The following ATXN1L variants were observed in gnomAD, a reference collection of about 807,000 sequenced individuals.
The protein encoded by ATXN1L is ataxin 1 like.
In ATXN1L, 8 loss-of-function variants were observed where a neutral mutation model predicts 43.4. That is an observed-to-expected ratio of 0.18 (90% CI 0.11 to 0.33). The LOEUF (loss-of-function observed/expected upper bound fraction) is 0.33. Ranked by LOEUF, ATXN1L falls within the 10% of genes least tolerant of loss-of-function variation. ATXN1L has a pLI of 1.00. For synonymous variants in ATXN1L, 379 were observed against 360.6 expected (o/e 1.05, Z -0.58); for missense variants, 856 against 885.4 (o/e 0.97, Z 0.42).
rs915329420 is a variant in ATXN1L at position 71,853,085 on chromosome 16, T to A, written c.*1275T>A. The A allele has an allele frequency of 2.4e-5, 4 of 167,198 alleles. No homozygotes were observed. Among genetic ancestry groups the A allele is most frequent in the African/African-American group, 9.6e-5 (4 of 41,474 alleles). The allele number at this position is 167,198 out of a possible 1,614,324, so 10.4% of individuals were successfully genotyped here. A position where few individuals can be genotyped will look rare whatever the true frequency, so the allele number is the denominator to read the frequency against. On this transcript the variant is annotated 3_prime_UTR_variant, in exon 3 of 3. Transcript: ENST00000427980. ...TGTCCCATATGCCCCTCCTGTCTTA[T>A]TCCACTGCTTCTCCCAGCATTCTGG... is the stretch of plus-strand genomic sequence containing the variant.
intron 1 of ATXN1L, among the ~76,000 whole-genome samples, chr16:71,847,615 G>A (rs994835302): frequency 3.3e-5 from 5 of 151,892 alleles, no homozygotes; most frequent in Non-Finnish European, 7.4e-5. Flanking sequence ...AATCCATAGA[G>A]TTGATTTTTC....
chr16:71,850,066 C>T lies in ATXN1L; in HGVS notation c.326C>T (p.Thr109Met), dbSNP rs373587350. The change falls in exon 3 of 3, where the codon ACG (threonine) becomes ATG (methionine). Residue 109 changes from threonine to methionine, a missense_variant. Transcript: ENST00000427980. Reference sequence around the variant, plus strand: ...GTGAATATGAGTCCCTTGCCCCCAACGTTTAATGTAGCGTCTTCACTAATT... The same window carrying T: ...GTGAATATGAGTCCCTTGCCCCCAATGTTTAATGTAGCGTCTTCACTAATT... The part of the protein sequence containing the change: ...SVVNMSPLPP[T>M]FNVASSLIQH... The T allele has an allele frequency of 1.4e-5, 22 of 1,551,596 alleles. No homozygotes were observed. Among genetic ancestry groups the T allele is most frequent in the East Asian group, 2.4e-5 (1 of 40,938 alleles).
intron 1 of ATXN1L, among the ~76,000 whole-genome samples, 188 bp downstream of exon 1, chr16:71,846,292 A>G (rs1317254234): frequency 6.6e-6 from 1 of 152,086 alleles, no homozygotes; most frequent in Non-Finnish European, 1.5e-5. Flanking sequence ...AGGTGGCCTC[A>G]GGCCCCGGCG....
chr16:71,849,873 T>A lies in ATXN1L; in HGVS notation c.133T>A (p.Trp45Arg). 6.4e-7 allele frequency: 1 copy of A among 1,551,500 alleles called. No individual in the cohort carries two copies. The highest frequency in any genetic ancestry group is 8.7e-7 in the Non-Finnish European group (1 of 1,146,904). ...CACACCCTCCAGTGATGCTTCTGAA[T>A]GGTCCCGAGGGGTTGTGGTGGCTGG... Reference protein sequence around the residue: ...NHTPSSDASEWSRGVVVAGQS... With the variant: ...NHTPSSDASERSRGVVVAGQS... The change falls in exon 3 of 3, where the codon TGG (tryptophan) becomes AGG (arginine). Residue 45 changes from tryptophan to arginine, a missense_variant. Physicochemically the swap from Trp to Arg is moderately radical, Grantham distance 101 (BLOSUM62 -3). Around this residue, in one of 7 missense-constraint regions of ATXN1L, gnomAD observed 93 missense variants for 113.4 expected, o/e 0.82. Coordinates refer to ENST00000427980, the MANE Select transcript of ATXN1L (RefSeq NM_001137675.4).
chr16:71,856,246 T>G lies in ATXN1L; in HGVS notation c.*4436T>G, dbSNP rs2033550017. On this transcript the variant is annotated 3_prime_UTR_variant, in exon 3 of 3. Transcript: ENST00000427980. Reference sequence around the variant, plus strand: ...TATTAGTTCTCCAGTTAAACCTAGATCCCTCCCTGGTAGATTGCGAACTCA... The same window carrying G: ...TATTAGTTCTCCAGTTAAACCTAGAGCCCTCCCTGGTAGATTGCGAACTCA... 1 of 167,104 alleles carries G rather than the reference T, an allele frequency of 6.0e-6. No homozygotes were observed. Among genetic ancestry groups the G allele is most frequent in the South Asian group, 2.1e-4 (1 of 4,834 alleles). The allele number at this position is 167,104 out of a possible 1,614,324, so 10.4% of individuals were successfully genotyped here. A position where few individuals can be genotyped will look rare whatever the true frequency, so the allele number is the denominator to read the frequency against.
At position 71,856,197 on chromosome 16, in the gene ATXN1L, C is replaced by T. The variant is rs918951737; in HGVS notation, c.*4387C>T. 6.0e-6 allele frequency: 1 copy of T among 167,118 alleles called. No individual in the cohort carries two copies. The highest frequency in any genetic ancestry group is 1.5e-5 in the Non-Finnish European group (1 of 68,140). The allele number at this position is 167,118 out of a possible 1,614,324, so 10.4% of individuals were successfully genotyped here. On this transcript the variant is annotated 3_prime_UTR_variant, in exon 3 of 3. Transcript: ENST00000427980. Reference sequence around the variant, plus strand: ...CCAGCAGGAACAATAGTCATAAATGCACTTTTCACACTAAAGGTTTCTTTA... The same window carrying T: ...CCAGCAGGAACAATAGTCATAAATGTACTTTTCACACTAAAGGTTTCTTTA...
chr16:71,849,212 GTT>G (rs386385029), intron 2 of ATXN1L, among the ~76,000 whole-genome samples: 1 of 58,242 alleles, frequency 1.7e-5, no homozygotes, highest in Admixed American at 1.9e-4. Flanking sequence ...AACTCCATGT[GTT>G]TTAAAAAAAA....
Position 71,853,791 on chromosome 16 carries a change from T to A in ATXN1L, c.*1981T>A. 6.0e-6 allele frequency: 1 copy of A among 167,210 alleles called. No homozygotes were observed. 10.4% of individuals were successfully genotyped at this position (167,210 alleles called of 1,614,324 possible). On this transcript the variant is annotated 3_prime_UTR_variant, in exon 3 of 3. Transcript: ENST00000427980. Reference sequence around the variant, plus strand: ...CCACTCTTTCATTCCTTGAAAGCAGTTTGCCTGGTCAGTCAGCTTTTGGGG... The same window carrying A: ...CCACTCTTTCATTCCTTGAAAGCAGATTGCCTGGTCAGTCAGCTTTTGGGG...
chr16:71,851,259 T>C lies in ATXN1L; in HGVS notation c.1519T>C (p.Ser507Pro). The change falls in exon 3 of 3, where the codon TCT (serine) becomes CCT (proline). Residue 507 changes from serine to proline, a missense_variant. By Grantham distance (74) the Ser-to-Pro change is moderately conservative (BLOSUM62 -1). Coordinates refer to ENST00000427980, the MANE Select transcript of ATXN1L (RefSeq NM_001137675.4). This position sits in a 1 kb window ranked among gnomAD's most constrained non-coding sequence, Gnocchi z 4.9. ...AEVSGGLKID[S>P]STVVDIQESQ... is the part of the protein sequence containing the mutation. ...AGTGAGCGGGGGGCTGAAGATTGAC[T>C]CTAGCACGGTCGTGGACATTCAGGA... 1.3e-6 allele frequency: 2 copies of C among 1,551,614 alleles called. No homozygotes were observed.
In ATXN1L at chr16:71,850,503, A is replaced by T. The variant is rs1238412355; in HGVS notation, c.763A>T (p.Thr255Ser). Residue 255 changes from threonine to serine, a missense_variant, in exon 3 of 3, where the codon ACC becomes TCC. Thr to Ser is a moderately conservative substitution (Grantham distance 58). Transcript: ENST00000427980. The stretch of plus-strand genomic sequence containing the variant: ...TCCAGCAGGTGCCAGCCCAGTTCTT[A>T]CCCCTCAGGAGAGCCAGTCTGCTCT... ...TPPAGASPVL[T>S]PQESQSALEA... 9 of 1,551,594 alleles carry T rather than the reference A, an allele frequency of 5.8e-6. No individual in the cohort carries two copies. The highest frequency in any genetic ancestry group is 7.0e-6 in the Non-Finnish European group (8 of 1,146,976).
chr16:71,856,441 CA>C lies in ATXN1L; in HGVS notation c.*4632del, dbSNP rs1373872520. On this transcript the variant is annotated 3_prime_UTR_variant, in exon 3 of 3. Transcript: ENST00000427980. Reference sequence around the variant, plus strand: ...GACTGTCATGGGGACTGAGGTTCTTCAGAGAAAGAGTGTGAGCTGATGACAC... The same window carrying C: ...GACTGTCATGGGGACTGAGGTTCTTCGAGAAAGAGTGTGAGCTGATGACAC... 6.0e-6 allele frequency: 1 copy of C among 167,094 alleles called. No homozygotes were observed. Among genetic ancestry groups the C allele is most frequent in the African/African-American group, 2.4e-5 (1 of 41,446 alleles). The allele number at this position is 167,094 out of a possible 1,614,324, so 10.4% of individuals were successfully genotyped here.
rs778138043 is a variant in ATXN1L at position 71,851,551 on chromosome 16, C to A, written c.1811C>A (p.Pro604His). 3 of 1,551,542 alleles carry A rather than the reference C, an allele frequency of 1.9e-6. No homozygotes were observed. The highest frequency in any genetic ancestry group is 4.9e-5 in the East Asian group (2 of 40,908). The change falls in exon 3 of 3, where the codon CCC (proline) becomes CAC (histidine). Residue 604 changes from proline (P) to histidine (H), a missense_variant. By Grantham distance (77) the Pro-to-His change is moderately conservative. This residue lies in a region of ATXN1L where 185 missense variants were observed against 176.8 expected (regional missense o/e 1.05). Coordinates refer to ENST00000427980, the MANE Select transcript of ATXN1L (RefSeq NM_001137675.4). This position sits in a 1 kb window ranked among gnomAD's most constrained non-coding sequence, Gnocchi z 4.9. ...SCAPPSQLGP[P>H]RERPERTVLG... ...GCTCCCCCAAGCCAGCTGGGTCCCCCCCGAGAAAGGCCTGAGAGGACGGTC... is the reference window on the plus strand; with the variant it reads ...GCTCCCCCAAGCCAGCTGGGTCCCCACCGAGAAAGGCCTGAGAGGACGGTC...
At position 71,851,246 on chromosome 16, in the gene ATXN1L, G is replaced by A. The variant is rs1397992353; in HGVS notation, c.1506G>A (p.Gly502=). Reference sequence around the variant, plus strand: ...TGCGCAGTGCCGAAGTGAGCGGGGGGCTGAAGATTGACTCTAGCACGGTCG... The same window carrying A: ...TGCGCAGTGCCGAAGTGAGCGGGGGACTGAAGATTGACTCTAGCACGGTCG... The part of the protein sequence containing the change: ...DFVRSAEVSG[G]LKIDSSTVVD... The change falls in exon 3 of 3, where the codon GGG becomes GGA. Residue 502 remains glycine (G), a synonymous_variant. Coordinates refer to ENST00000427980, the MANE Select transcript of ATXN1L (RefSeq NM_001137675.4). The surrounding 1 kb of genome is among the most constrained non-coding windows in gnomAD (Gnocchi z 4.9). The A allele has an allele frequency of 1.9e-6, 3 of 1,551,546 alleles. No individual in the cohort carries two copies. Among genetic ancestry groups the A allele is most frequent in the East Asian group, 2.4e-5 (1 of 40,926 alleles).
chr16:71,848,063 G>GTGCTTT lies in ATXN1L; in HGVS notation c.-126_-125insTGCTTT, dbSNP rs1158813151. 7 of 455,776 alleles carry GTGCTTT rather than the reference G, an allele frequency of 1.5e-5. No individual in the cohort carries two copies. Among genetic ancestry groups the GTGCTTT allele is most frequent in the Non-Finnish European group, 3.1e-5 (7 of 226,762 alleles). 28.2% of individuals were successfully genotyped at this position (455,776 alleles called of 1,614,324 possible). Reference sequence around the variant, plus strand: ...CTACAGCTGCTCAGAAGCACCACTGGAAACTCAGGTAATACCGGCACTTTG... The same window carrying GTGCTTT: ...CTACAGCTGCTCAGAAGCACCACTGGTGCTTTAAACTCAGGTAATACCGGCACTTTG... On this transcript the variant is annotated 5_prime_UTR_variant, in exon 2 of 3. Coordinates refer to ENST00000427980, the MANE Select transcript of ATXN1L (RefSeq NM_001137675.4).
chr16:71,850,739 T>C lies in ATXN1L; in HGVS notation c.999T>C (p.Thr333=), dbSNP rs2033492267. 1.3e-6 allele frequency: 2 copies of C among 1,551,702 alleles called. No individual in the cohort carries two copies. The highest frequency in any genetic ancestry group is 2.7e-5 in the African/African-American group (2 of 73,160). ...CAGCACACCGGGGGACCCCGGACAC[T>C]GACCTTGAGGTCCAGCGGGTGGTTG... ...AAPAHRGTPD[T]DLEVQRVVGA... is the part of the protein sequence containing the mutation. Residue 333 remains threonine, a synonymous_variant, in exon 3 of 3, where the codon ACT becomes ACC. Coordinates refer to ENST00000427980, the MANE Select transcript of ATXN1L (RefSeq NM_001137675.4).
chr16:71,857,225 G>A lies in ATXN1L; in HGVS notation c.*5415G>A, dbSNP rs1379117204. ...CACAGATTGTATTTTTATTGTTAAT[G>A]CTCTTCTTATGGATACCTGCATTTA... On this transcript the variant is annotated 3_prime_UTR_variant, in exon 3 of 3. Transcript: ENST00000427980. 6.1e-6 allele frequency: 1 copy of A among 164,646 alleles called. No individual in the cohort carries two copies. The highest frequency in any genetic ancestry group is 1.9e-4 in the East Asian group (1 of 5,208). 10.2% of individuals were successfully genotyped at this position (164,646 alleles called of 1,614,324 possible). A position where few individuals can be genotyped will look rare whatever the true frequency, so the allele number is the denominator to read the frequency against.
In ATXN1L at chr16:71,857,273, A is replaced by G. The variant is rs1046371792; in HGVS notation, c.*5463A>G. The G allele has an allele frequency of 4.4e-5, 7 of 160,848 alleles. No individual in the cohort carries two copies. The highest frequency in any genetic ancestry group is 7.3e-5 in the Non-Finnish European group (5 of 68,096). 10.0% of individuals were successfully genotyped at this position (160,848 alleles called of 1,614,324 possible). A position where few individuals can be genotyped will look rare whatever the true frequency, so the allele number is the denominator to read the frequency against. ...TTAACTTGTGGACTATGTAAACACA[A>G]TATCTATCAATATCTATATATCTAT... On this transcript the variant is annotated 3_prime_UTR_variant, in exon 3 of 3. Coordinates refer to ENST00000427980, the MANE Select transcript of ATXN1L (RefSeq NM_001137675.4).
intron 1 of ATXN1L, among the ~76,000 whole-genome samples, chr16:71,847,505 G>C (rs530564364): frequency 2.0e-5 from 3 of 151,068 alleles, no homozygotes; most frequent in African/African-American, 7.3e-5. Context: ...CTCTTTTTCT[G>C]CCCCAGAAAC....
In ATXN1L at chr16:71,850,312, C is replaced by T; in HGVS notation, c.572C>T (p.Ala191Val). The change falls in exon 3 of 3, where the codon GCT (alanine) becomes GTT (valine). Residue 191 changes from alanine (A) to valine (V), a missense_variant. Coordinates refer to ENST00000427980, the MANE Select transcript of ATXN1L (RefSeq NM_001137675.4). ...LAEGATPPPQ[A>V]PSPAHSFNKA... ...GAAGGAGCCACTCCTCCCCCACAGG[C>T]TCCCTCCCCGGCCCACTCATTTAAC... The T allele has an allele frequency of 6.4e-7, 1 of 1,551,722 alleles. No homozygotes were observed. The highest frequency in any genetic ancestry group is 8.7e-7 in the Non-Finnish European group (1 of 1,146,976).
Sources: gnomAD v4.1 joint callset for allele counts (sites outside exome capture counted in the v4.1 genomes callset) on GRCh38, gnomAD v4.1.1 for gene constraint, gnomAD v4.1.1 regional missense constraint, Gnocchi (gnomAD v3.1) non-coding constraint, MANE v1.5 for transcripts, NCBI Gene and HGNC (gene_info 2026-07-23, HGNC 2026-07-21) for gene names.